CDC7: variants seen among roughly 807,000 people sequenced by gnomAD.
CDC7 encodes the protein cell division cycle 7-related protein kinase.
Under a neutral mutation model 53.5 loss-of-function variants are expected in CDC7, and 34 were observed. The observed-to-expected ratio is 0.64, with a 90% CI of 0.48 to 0.85. The LOEUF (loss-of-function observed/expected upper bound fraction) is 0.85. Among genes scored for constraint, CDC7 ranks in the 40% least tolerant of loss-of-function variants. The probability of loss-of-function intolerance (pLI) is 0.00; values close to 1 mark genes in which losing one functional copy is unlikely to be tolerated. For missense variants in CDC7, 594 were observed against 679.7 expected, an observed-to-expected ratio of 0.87 and a Z score of 1.40; for synonymous variants, 211 against 222.8, an observed-to-expected ratio of 0.95 and a Z score of 0.47.
At chr1:91,508,008 G>C in intron 3 of CDC7, 71 bp downstream of exon 3, 1 of 1,246,932 alleles carries the variant, frequency 8.0e-7, no homozygotes, top group South Asian at 1.5e-5. Context: ...TTTTAGTCTT[G>C]GTTTTCATTA....
At chr1:91,523,539 T>G (rs1169296864) in intron 11 of CDC7, among the ~76,000 whole-genome samples, 1 of 152,036 alleles carries the variant, frequency 6.6e-6, no homozygotes, top group African/African-American at 2.4e-5. Context: ...CAGTAGAAAC[T>G]GAAATTGATC....
intron 10 of CDC7, among the ~76,000 whole-genome samples, chr1:91,519,471 A>G (rs2102396166): frequency 6.6e-6 from 1 of 152,126 alleles, no homozygotes; most frequent in South Asian, 2.1e-4. Context: ...TGTTCGTAAC[A>G]CAAAGGATAA....
intron 9 of CDC7, 117 bp from the exon 10 acceptor site, chr1:91,515,675 AAC>A: frequency 8.9e-7 from 1 of 1,129,572 alleles, no homozygotes. Context: ...ACTTTATAGT[AAC>A]ACTTATTATA....
chr1:91,506,433 T>C (rs1666993727), intron 2 of CDC7, among the ~76,000 whole-genome samples: 1 of 152,176 alleles, frequency 6.6e-6, no homozygotes, highest in Admixed American at 6.5e-5. Context: ...ACTTGGTGAA[T>C]GCTTCAGAAC....
At chr1:91,509,146 C>T (rs755910010) in intron 4 of CDC7, among the ~76,000 whole-genome samples, 7 of 152,090 alleles carry the variant, frequency 4.6e-5, no homozygotes, top group Admixed American at 1.3e-4. Flanking sequence ...TTCTATCTGA[C>T]CCCTAAATAT....
At chr1:91,504,702 G>A (rs1292586781) in intron 2 of CDC7, among the ~76,000 whole-genome samples, 1 of 152,116 alleles carries the variant, frequency 6.6e-6, no homozygotes, top group Admixed American at 6.5e-5. Context: ...GAGTGTCCCA[G>A]TTTGGGCTTA....
chr1:91,517,634 A>G (rs1667632876), intron 10 of CDC7, among the ~76,000 whole-genome samples: 1 of 152,208 alleles, frequency 6.6e-6, no homozygotes, highest in Non-Finnish European at 1.5e-5. Flanking sequence ...CTGGGCTAGA[A>G]ATACAGATGA....
chr1:91,503,897 A>T (rs1420568090), intron 2 of CDC7, among the ~76,000 whole-genome samples: 1 of 151,996 alleles, frequency 6.6e-6, no homozygotes, highest in Non-Finnish European at 1.5e-5. Flanking sequence ...CATTTTTTTT[A>T]ATATATATCT....
In CDC7 at chr1:91,511,853, A is replaced by G. The variant is rs1230761357; in HGVS notation, c.502A>G (p.Ile168Val). 6 of 1,606,258 alleles carry G rather than the reference A, an allele frequency of 3.7e-6. No individual in the cohort carries two copies. Among genetic ancestry groups the G allele is most frequent in the Middle Eastern group, 1.7e-4 (1 of 6,034 alleles). ...TAATCTGTTCAAAGCTTTGAAACGC[A>G]TTCATCAGTTTGGTATTGTTCACCG... is the stretch of plus-strand genomic sequence containing the variant. ...MLNLFKALKR[I>V]HQFGIVHRDV... Residue 168 changes from isoleucine (I) to valine (V), a missense_variant, in exon 6 of 12, where the codon ATT becomes GTT. Ile to Val is a conservative substitution (Grantham distance 29, BLOSUM62 3). Transcript: ENST00000234626.
intron 11 of CDC7, among the ~76,000 whole-genome samples, chr1:91,522,779 G>C (rs895918070): frequency 6.6e-6 from 1 of 152,178 alleles, no homozygotes; most frequent in Non-Finnish European, 1.5e-5. Context: ...TTGGTCTTCA[G>C]TAATTGTTTG....
intron 2 of CDC7, among the ~76,000 whole-genome samples, chr1:91,502,680 C>A (rs910001187): frequency 5.9e-5 from 9 of 152,170 alleles, no homozygotes; most frequent in African/African-American, 2.2e-4. Flanking sequence ...TTCCCCATAT[C>A]GTCACCTAGC....
In CDC7 at chr1:91,525,552, C is replaced by T. The variant is rs564707742; in HGVS notation, c.*1117C>T. 6.6e-6 allele frequency: 1 copy of T among 152,186 alleles called. No homozygotes were observed. Among genetic ancestry groups the T allele is most frequent in the South Asian group, 2.1e-4 (1 of 4,820 alleles). 9.4% of individuals were successfully genotyped at this position (152,186 alleles called of 1,614,324 possible). On this transcript the variant is annotated 3_prime_UTR_variant, in exon 12 of 12. Transcript: ENST00000234626. Reference sequence around the variant, plus strand: ...GTGGGTGGTCAGCTGACAGATTTCCCATTTAGTAGTCATAGAATACAGAAA... The same window carrying T: ...GTGGGTGGTCAGCTGACAGATTTCCTATTTAGTAGTCATAGAATACAGAAA...
At chr1:91,506,095 A>T (rs1666972955) in intron 2 of CDC7, among the ~76,000 whole-genome samples, 1 of 151,552 alleles carries the variant, frequency 6.6e-6, no homozygotes, top group Admixed American at 6.6e-5. Flanking sequence ...GTAACCTCAA[A>T]CTCCTGGGCT....
chr1:91,524,522 A>G lies in CDC7; in HGVS notation c.*87A>G. The G allele has an allele frequency of 1.0e-6, 1 of 973,662 alleles. No individual in the cohort carries two copies. The highest frequency in any genetic ancestry group is 1.5e-6 in the Non-Finnish European group (1 of 657,220). The allele number at this position is 973,662 out of a possible 1,614,324, so 60.3% of individuals were successfully genotyped here. A position where few individuals can be genotyped will look rare whatever the true frequency, so the allele number is the denominator to read the frequency against. ...AGCCACAAGTTCTTGTTTAGAGACCAGAGCAGGATTAATAATTTATTTTAA... is the reference window on the plus strand; with the variant it reads ...AGCCACAAGTTCTTGTTTAGAGACCGGAGCAGGATTAATAATTTATTTTAA... On this transcript the variant is annotated 3_prime_UTR_variant, in exon 12 of 12. Coordinates refer to ENST00000234626, the MANE Select transcript of CDC7 (RefSeq NM_003503.4).
chr1:91,506,380 G>A, intron 2 of CDC7, among the ~76,000 whole-genome samples: 1 of 151,498 alleles, frequency 6.6e-6, no homozygotes, highest in Non-Finnish European at 1.5e-5. Context: ...TGTCTTTACA[G>A]ACGTAGTTAA....
At chr1:91,522,327 T>C (rs1232219499) in intron 11 of CDC7, among the ~76,000 whole-genome samples, 3 of 152,178 alleles carry the variant, frequency 2.0e-5, no homozygotes, top group Non-Finnish European at 4.4e-5. Flanking sequence ...CCTAAAGAAA[T>C]GACTTGGCTG....
At position 91,501,670 on chromosome 1, in the gene CDC7, G is replaced by T. The variant is rs764285465; in HGVS notation, c.-47G>T. Reference sequence around the variant, plus strand: ...TTTTCACAGCTGCTTTGCTCCCCCTGTGGATGTAACCCCTTAGCTGGCATT... The same window carrying T: ...TTTTCACAGCTGCTTTGCTCCCCCTTTGGATGTAACCCCTTAGCTGGCATT... On this transcript the variant is annotated 5_prime_UTR_variant, in exon 2 of 12. Coordinates refer to ENST00000234626, the MANE Select transcript of CDC7 (RefSeq NM_003503.4). 8.1e-6 allele frequency: 11 copies of T among 1,351,892 alleles called. No individual in the cohort carries two copies. The highest frequency in any genetic ancestry group is 1.4e-5 in the African/African-American group (1 of 69,294). The allele number at this position is 1,351,892 out of a possible 1,614,324, so 83.7% of individuals were successfully genotyped here. A position where few individuals can be genotyped will look rare whatever the true frequency, so the allele number is the denominator to read the frequency against.
chr1:91,509,198 A>T (rs776526106), intron 4 of CDC7, among the ~76,000 whole-genome samples: 2 of 152,040 alleles, frequency 1.3e-5, no homozygotes, highest in African/African-American at 2.4e-5. Context: ...CTGTATTCTT[A>T]GTGTCCTCCA....
In CDC7 at chr1:91,507,847, T is replaced by A. The variant is rs780592500; in HGVS notation, c.116-7T>A. On this transcript the variant is annotated splice_region_variant and splice_polypyrimidine_tract_variant and intron_variant, in intron 2 of 11. Coordinates refer to ENST00000234626, the MANE Select transcript of CDC7 (RefSeq NM_003503.4). ...ATTAAAACTCTAAATTTTTGTTTCC[T>A]TGAAAGGTGTTAAAAAAGATATTGA... 1.2e-5 allele frequency: 16 copies of A among 1,327,854 alleles called. No individual in the cohort carries two copies. The highest frequency in any genetic ancestry group is 1.6e-5 in the Non-Finnish European group (15 of 946,532). 82.3% of individuals were successfully genotyped at this position (1,327,854 alleles called of 1,614,324 possible).
Sources: allele counts gnomAD v4.1 joint callset (sites outside exome capture counted in the v4.1 genomes callset), GRCh38; gene constraint gnomAD v4.1.1; transcripts MANE v1.5; gene names NCBI Gene and HGNC (gene_info 2026-07-23, HGNC 2026-07-21).